The following ACTC1 variants were observed in gnomAD, a reference collection of about 807,000 sequenced individuals.
ACTC1 encodes the protein actin alpha cardiac muscle 1.
A neutral mutation model predicts 31.6 loss-of-function variants in ACTC1; 10 were observed. That is an observed-to-expected ratio of 0.32 (90% confidence interval 0.19 to 0.54). The LOEUF (loss-of-function observed/expected upper bound fraction) is 0.54. ACTC1 is among the 20% of genes least tolerant of loss of function. ACTC1 has a pLI of 0.95. For synonymous variants in ACTC1, 196 were observed against 185.0 expected (o/e 1.06, Z -0.48); for missense variants, 129 against 506.4 (o/e 0.25, Z 7.15).
At chr15:34,794,534 G>T in intron 2 of ACTC1, 146 bp downstream of exon 2, 1 of 1,239,714 alleles carries the variant, frequency 8.1e-7, no homozygotes, top group Non-Finnish European at 1.1e-6. Flanking sequence ...AGTATTGCTT[G>T]CCTTGGCTTG....
In ACTC1 at chr15:34,792,365, G is replaced by A. The variant is rs1891722526; in HGVS notation, c.616+43C>T. The A allele has an allele frequency of 6.2e-7, 1 of 1,613,986 alleles. No homozygotes were observed. Among genetic ancestry groups the A allele is most frequent in the Non-Finnish European group, 8.5e-7 (1 of 1,179,952 alleles). Reference sequence around the variant, plus strand: ...GTAGGCGGATTCAGTGAGAGAGGAGGAAAGCAGACCCACACTGTGGCAGAT... The same window carrying A: ...GTAGGCGGATTCAGTGAGAGAGGAGAAAAGCAGACCCACACTGTGGCAGAT... On this transcript the variant is annotated intron_variant, in intron 4 of 6. Transcript: ENST00000290378. The surrounding 1 kb of genome is among the most constrained non-coding windows in gnomAD (Gnocchi z 5.3).
intron 5 of ACTC1, chr15:34,791,731 A>G: frequency 5.4e-6 from 2 of 369,730 alleles, no homozygotes; most frequent in Non-Finnish European, 1.0e-5. Context: ...ATGAGTAGGA[A>G]TGTTATTGCA....
At chr15:34,794,597 A>G in intron 2 of ACTC1, 83 bp downstream of exon 2, 2 of 1,508,324 alleles carry the variant, frequency 1.3e-6, no homozygotes, top group Non-Finnish European at 1.8e-6. Flanking sequence ...TTCATCGAAC[A>G]AGAGGGTCAG....
chr15:34,792,383 T>C lies in ACTC1; in HGVS notation c.616+25A>G, dbSNP rs764875992. On this transcript the variant is annotated intron_variant, in intron 4 of 6. Transcript: ENST00000290378. The surrounding 1 kb of genome is among the most constrained non-coding windows in gnomAD (Gnocchi z 5.3). ...AGAGGAGGAAAGCAGACCCACACTGTGGCAGATGAGACACACACACTCACC... is the reference window on the plus strand; with the variant it reads ...AGAGGAGGAAAGCAGACCCACACTGCGGCAGATGAGACACACACACTCACC... 6.2e-7 allele frequency: 1 copy of C among 1,614,164 alleles called. No individual in the cohort carries two copies. The highest frequency in any genetic ancestry group is 1.3e-5 in the African/African-American group (1 of 75,042).
At chr15:34,791,990 C>A (rs1891715117) in intron 5 of ACTC1, 100 bp downstream of exon 5, 1 of 1,339,308 alleles carries the variant, frequency 7.5e-7, no homozygotes, top group Non-Finnish European at 1.1e-6. Context: ...ACTATGACTT[C>A]TTTTAACTCA....
chr15:34,792,425 T>C lies in ACTC1; in HGVS notation c.599A>G (p.Tyr200Cys). 6.2e-7 allele frequency: 1 copy of C among 1,613,660 alleles called. No individual in the cohort carries two copies. The highest frequency in any genetic ancestry group is 1.3e-5 in the African/African-American group (1 of 74,844). ...YLMKILTERG[Y>C]SFVTTAEREI... ...ACACTCACCAGTGGTGACAAAGGAG[T>C]AGCCACGCTCAGTGAGGATCTTCAT... is the stretch of plus-strand genomic sequence containing the variant. Residue 200 changes from tyrosine to cysteine, a missense_variant, in exon 4 of 7, where the codon TAC becomes TGC. Tyr to Cys is a radical substitution (Grantham distance 194, BLOSUM62 -2). Coordinates refer to ENST00000290378, the MANE Select transcript of ACTC1 (RefSeq NM_005159.5). This position sits in a 1 kb window ranked among gnomAD's most constrained non-coding sequence, Gnocchi z 5.3.
At chr15:34,790,988 GA>G in intron 6 of ACTC1, 125 bp downstream of exon 6, 1 of 931,416 alleles carries the variant, frequency 1.1e-6, no homozygotes, top group Non-Finnish European at 1.6e-6. Flanking sequence ...AAAAGTGGTA[GA>G]AAAGCTAACA....
At chr15:34,791,552 T>C (rs1891709144) in intron 5 of ACTC1, 3 of 490,448 alleles carry the variant, frequency 6.1e-6, no homozygotes, top group Non-Finnish European at 1.1e-5. Context: ...AAACACCTCC[T>C]GAAACTCTCA....
chr15:34,793,574 G>C lies in ACTC1; in HGVS notation c.130-5C>G. 1 of 1,613,458 alleles carries C rather than the reference G, an allele frequency of 6.2e-7. No homozygotes were observed. The highest frequency in any genetic ancestry group is 8.5e-7 in the Non-Finnish European group (1 of 1,179,638). On this transcript the variant is annotated splice_polypyrimidine_tract_variant and splice_region_variant and intron_variant, in intron 2 of 6. Coordinates refer to ENST00000290378, the MANE Select transcript of ACTC1 (RefSeq NM_005159.5). This position sits in a 1 kb window ranked among gnomAD's most constrained non-coding sequence, Gnocchi z 4.8. ...ACCCATACCCACCATAACTCCCTATGAGAAGAAAAAATGAGAAAATCATGC... is the reference window on the plus strand; with the variant it reads ...ACCCATACCCACCATAACTCCCTATCAGAAGAAAAAATGAGAAAATCATGC...
chr15:34,795,007 G>A (rs185293070), intron 1 of ACTC1, among the ~76,000 whole-genome samples, 177 bp from the exon 2 acceptor site: 3 of 152,202 alleles, frequency 2.0e-5, no homozygotes, highest in Non-Finnish European at 4.4e-5. Context: ...GGAAGAAGCC[G>A]CGGAGGAGAC....
rs1023048297 is a variant in ACTC1, at chr15:34,794,865, A to G, written c.-22-35T>C. Reference sequence around the variant, plus strand: ...GAGGAGGGGAGGGCGGACCACGCTTAGCTGCCTGTGCAGCTGGCCTTCTCC... The same window carrying G: ...GAGGAGGGGAGGGCGGACCACGCTTGGCTGCCTGTGCAGCTGGCCTTCTCC... On this transcript the variant is annotated intron_variant, in intron 1 of 6. Coordinates refer to ENST00000290378, the MANE Select transcript of ACTC1 (RefSeq NM_005159.5). 13 of 1,537,584 alleles carry G rather than the reference A, an allele frequency of 8.5e-6. No homozygotes were observed. In the African/African-American group the frequency reaches 1.7e-4, roughly 20 times the overall value.
chr15:34,794,531 C>T (rs1379483965), intron 2 of ACTC1, 149 bp downstream of exon 2: 4 of 1,231,606 alleles, frequency 3.2e-6, no homozygotes, highest in South Asian at 1.6e-5. Context: ...TGGAGTATTG[C>T]TTGCCTTGGC....
chr15:34,791,421 A>G, intron 5 of ACTC1, 126 bp from the exon 6 acceptor site: 1 of 1,313,732 alleles, frequency 7.6e-7, no homozygotes, highest in Non-Finnish European at 1.1e-6. Flanking sequence ...AGCTGTCACC[A>G]TTTGTCTCTG....
rs925099121 is a variant in ACTC1, at chr15:34,792,781, A to G, written c.455-212T>C. 10 of 598,344 alleles carry G rather than the reference A, an allele frequency of 1.7e-5. No individual in the cohort carries two copies. The highest frequency in any genetic ancestry group is 1.7e-4 in the African/African-American group (9 of 53,872). 37.1% of individuals were successfully genotyped at this position (598,344 alleles called of 1,614,324 possible). A position where few individuals can be genotyped will look rare whatever the true frequency, so the allele number is the denominator to read the frequency against. ...TGCAGCTCATCTTTTTAACTATTATAGTAGAAAAAATTCCCGAGGACACTT... is the reference window on the plus strand; with the variant it reads ...TGCAGCTCATCTTTTTAACTATTATGGTAGAAAAAATTCCCGAGGACACTT... On this transcript the variant is annotated intron_variant, in intron 3 of 6. Transcript: ENST00000290378. The surrounding 1 kb of genome is among the most constrained non-coding windows in gnomAD (Gnocchi z 5.3).
rs1422171214 is a variant in ACTC1, at chr15:34,791,184, A to G, written c.920T>C (p.Met307Thr). The G allele has an allele frequency of 1.9e-6, 3 of 1,614,150 alleles. No individual in the cohort carries two copies. Among genetic ancestry groups the G allele is most frequent in the Admixed American group, 1.7e-5 (1 of 60,012 alleles). Residue 307 changes from methionine (M) to threonine (T), a missense_variant, in exon 6 of 7, where the codon ATG becomes ACG. Coordinates refer to ENST00000290378, the MANE Select transcript of ACTC1 (RefSeq NM_005159.5). ...ANNVLSGGTT[M>T]YPGIADRMQK... ...CATACGATCAGCAATACCAGGGTAC[A>G]TAGTGGTGCCTCCAGATAAGACATT...
chr15:34,790,644 C>G, intron 6 of ACTC1, 89 bp from the exon 7 acceptor site: 1 of 1,493,348 alleles, frequency 6.7e-7, no homozygotes, highest in Non-Finnish European at 9.3e-7. Context: ...CAGAAAAAAA[C>G]CATTAGATAT....
chr15:34,794,226 A>G (rs374029107), intron 2 of ACTC1, among the ~76,000 whole-genome samples: 40 of 152,340 alleles, frequency 2.6e-4, no homozygotes, highest in African/African-American at 9.1e-4. Context: ...AACAGCCAGG[A>G]AGGAGATAGA....
chr15:34,794,822 C>T lies in ACTC1; in HGVS notation c.-14G>A. On this transcript the variant is annotated 5_prime_UTR_variant, in exon 2 of 7. Transcript: ENST00000290378. ...GTCGTCACACATCTTGGCACAGCTT[C>T]AGGGGGTTCTGCAGGTTGAGGAGGG... The T allele has an allele frequency of 6.2e-7, 1 of 1,611,190 alleles. No individual in the cohort carries two copies. The highest frequency in any genetic ancestry group is 8.5e-7 in the Non-Finnish European group (1 of 1,177,920).
intron 2 of ACTC1, 74 bp downstream of exon 2, chr15:34,794,606 A>T: frequency 6.5e-7 from 1 of 1,540,050 alleles, no homozygotes; most frequent in Non-Finnish European, 8.8e-7. Context: ...CAAGAGGGTC[A>T]GGTGAGAGCC....
Sources: gnomAD v4.1 joint callset for allele counts (sites outside exome capture counted in the v4.1 genomes callset) on GRCh38, gnomAD v4.1.1 for gene constraint, Gnocchi (gnomAD v3.1) non-coding constraint, MANE v1.5 for transcripts, NCBI Gene and HGNC (gene_info 2026-07-23, HGNC 2026-07-21) for gene names.